Variants in CFAP299 observed in about 807,000 individuals in gnomAD.
CFAP299 encodes cilia and flagella associated protein 299.
Under a neutral mutation model 27.0 loss-of-function variants are expected in CFAP299, and 21 were observed. That is an observed-to-expected ratio of 0.78 (90% CI 0.55 to 1.12). The LOEUF is 1.12. Ranked by LOEUF, CFAP299 falls within the 50% of genes most tolerant of loss-of-function variation. The probability of loss-of-function intolerance (pLI) is 0.00; values close to 1 mark genes in which losing one functional copy is unlikely to be tolerated. For missense variants in CFAP299, 310 were observed against 276.6 expected (o/e 1.12, Z -0.86); for synonymous variants, 104 against 98.1 (o/e 1.06, Z -0.36).
intron 3 of CFAP299, among the ~76,000 whole-genome samples, chr4:80,720,211 G>A (rs1366495736): frequency 6.6e-6 from 1 of 152,150 alleles, no homozygotes; most frequent in African/African-American, 2.4e-5. Flanking sequence ...CAAGAACTGA[G>A]CTGAGTATCA....
At chr4:80,936,481 C>A (rs1736896429) in intron 4 of CFAP299, among the ~76,000 whole-genome samples, 1 of 152,060 alleles carries the variant, frequency 6.6e-6, no homozygotes, top group South Asian at 2.1e-4. Flanking sequence ...AAGATTATGT[C>A]TTTTATGGGA....
chr4:80,622,839 C>T (rs527764534), intron 3 of CFAP299, among the ~76,000 whole-genome samples: 7 of 152,098 alleles, frequency 4.6e-5, no homozygotes, highest in Non-Finnish European at 1.0e-4. Context: ...ATACTTGAAA[C>T]TAGAGATAAT....
intron 2 of CFAP299, among the ~76,000 whole-genome samples, chr4:80,505,960 ACT>A (rs1732010500): frequency 6.6e-6 from 1 of 151,288 alleles, no homozygotes; most frequent in African/African-American, 2.4e-5. Flanking sequence ...ACACAGAGAG[ACT>A]CTGTTTCTAA....
intron 2 of CFAP299, among the ~76,000 whole-genome samples, chr4:80,390,939 ATGTATG>A (rs200104433): frequency 2.1e-4 from 6 of 28,278 alleles, no homozygotes; most frequent in Non-Finnish European, 5.3e-4. Context: ...ATATGTATAT[ATGTATG>A]TACACACATG....
intron 2 of CFAP299, among the ~76,000 whole-genome samples, chr4:80,442,926 A>G (rs1728431790): frequency 6.6e-6 from 1 of 152,254 alleles, no homozygotes; most frequent in Non-Finnish European, 1.5e-5. Context: ...CAAGTAAACT[A>G]GAAAATCTAG....
chr4:80,494,271 T>A (rs1413245089), intron 2 of CFAP299, among the ~76,000 whole-genome samples: 1 of 152,168 alleles, frequency 6.6e-6, no homozygotes, highest in Non-Finnish European at 1.5e-5. Flanking sequence ...CTCAAGCTCT[T>A]CCCATTATCC....
chr4:80,673,834 A>G (rs971918915), intron 3 of CFAP299, among the ~76,000 whole-genome samples: 45 of 144,384 alleles, frequency 3.1e-4, no homozygotes, highest in Non-Finnish European at 1.2e-4. Flanking sequence ...TAGGATTGCA[A>G]ACTCTGCCTT....
At chr4:80,660,043 G>A (rs886283315) in intron 3 of CFAP299, among the ~76,000 whole-genome samples, 1 of 152,074 alleles carries the variant, frequency 6.6e-6, no homozygotes, top group African/African-American at 2.4e-5. Context: ...GAGCTCAGGA[G>A]ATCTAAAATT....
intron 2 of CFAP299, among the ~76,000 whole-genome samples, chr4:80,551,434 A>C (rs992500747): frequency 3.3e-5 from 5 of 152,156 alleles, no homozygotes; most frequent in Non-Finnish European, 7.4e-5. Flanking sequence ...AATACATTAT[A>C]GAAAGATAGA....
chr4:80,870,225 A>G, intron 4 of CFAP299, 90 bp downstream of exon 4: 4 of 1,423,266 alleles, frequency 2.8e-6, no homozygotes, highest in African/African-American at 2.9e-5. Context: ...GCTAATGTAT[A>G]TATAACAGGA....
chr4:80,913,763 T>C (rs10213174), intron 4 of CFAP299, among the ~76,000 whole-genome samples: 48,862 of 151,998 alleles, frequency 0.32, 12,110 homozygotes, highest in African/African-American at 0.69. Flanking sequence ...GAGCTTTGGC[T>C]AATGTGTACA....
intron 3 of CFAP299, among the ~76,000 whole-genome samples, chr4:80,698,315 C>A (rs1333201145): frequency 6.6e-6 from 1 of 152,214 alleles, no homozygotes; most frequent in Admixed American, 6.5e-5. Context: ...GGGCTCCTTA[C>A]AGCCAAGAAT....
intron 1 of CFAP299, 24 bp downstream of exon 1, chr4:80,335,903 A>AGCC (rs753034344): frequency 1.1e-5 from 16 of 1,440,062 alleles, no homozygotes; most frequent in African/African-American, 1.4e-5. Flanking sequence ...GCGGCAGAGT[A>AGCC]GCCGCCGCCG....
rs542394166 is a variant in CFAP299 at position 80,665,073 on chromosome 4, T to A, written c.333+81890T>A. Among the ~76,000 whole-genome samples, 85 of 152,204 alleles carry A rather than the reference T, an allele frequency of 5.6e-4. 1 individual carries two copies. The highest frequency in any genetic ancestry group is 1.9e-3 in the African/African-American group (78 of 41,528). On this transcript the variant is annotated intron_variant, in intron 3 of 5. Coordinates refer to ENST00000358105, the MANE Select transcript of CFAP299 (RefSeq NM_152770.3). ...TGGGCTGCACACACTGTCTAATCAG[T>A]CTCAATGAGATGAGCTGGGTACCTC...
chr4:80,814,183 A>G (rs1729305364), intron 3 of CFAP299, among the ~76,000 whole-genome samples: 1 of 152,072 alleles, frequency 6.6e-6, no homozygotes, highest in Admixed American at 6.6e-5. Context: ...GTGTGTTTGA[A>G]CAGGTTGAAC....
At chr4:80,772,321 C>T (rs1315870141) in intron 3 of CFAP299, among the ~76,000 whole-genome samples, 8 of 152,052 alleles carry the variant, frequency 5.3e-5, no homozygotes, top group Admixed American at 3.9e-4. Context: ...GTGCAGGTCT[C>T]TTATCACTTT....
At chr4:80,768,199 A>C (rs1283728214) in intron 3 of CFAP299, among the ~76,000 whole-genome samples, 2 of 152,216 alleles carry the variant, frequency 1.3e-5, no homozygotes, top group Non-Finnish European at 2.9e-5. Context: ...AAGATTCTAA[A>C]AACAGCTTTT....
chr4:80,419,809 C>T (rs755095596), intron 2 of CFAP299, among the ~76,000 whole-genome samples: 8 of 152,128 alleles, frequency 5.3e-5, no homozygotes, highest in Non-Finnish European at 7.3e-5. Flanking sequence ...TACTAACTTA[C>T]ACTCCTAGCA....
intron 2 of CFAP299, among the ~76,000 whole-genome samples, chr4:80,519,551 C>A (rs1486130969): frequency 6.6e-6 from 1 of 152,034 alleles, no homozygotes; most frequent in South Asian, 2.1e-4. Context: ...TGAATTAAAG[C>A]TTTGAAGAAT....
Sources: gnomAD v4.1 joint callset for allele counts (sites outside exome capture counted in the v4.1 genomes callset) on GRCh38, gnomAD v4.1.1 for gene constraint, MANE v1.5 for transcripts, NCBI Gene and HGNC (gene_info 2026-07-23, HGNC 2026-07-21) for gene names.